The following POC1B variants were observed in gnomAD, a reference collection of about 807,000 sequenced individuals.
The protein encoded by POC1B is POC1 centriolar protein homolog B.
Under a neutral mutation model 60.6 loss-of-function variants are expected in POC1B, and 44 were observed. That is an observed-to-expected ratio of 0.73 (90% CI 0.57 to 0.93). POC1B has a LOEUF of 0.93. Among genes scored for constraint, POC1B ranks in the 40% least tolerant of loss-of-function variants. The probability of loss-of-function intolerance (pLI) is 0.00; values close to 1 mark genes in which losing one functional copy is unlikely to be tolerated. For synonymous variants in POC1B, 180 were observed against 198.9 expected, an observed-to-expected ratio of 0.90 and a Z score of 0.80; for missense variants, 555 against 572.3, an observed-to-expected ratio of 0.97 and a Z score of 0.31.
At chr12:89,500,682 C>T (rs903225613) in intron 2 of POC1B, 36 of 1,521,534 alleles carry the variant, frequency 2.4e-5, no homozygotes, top group Non-Finnish European at 3.3e-5. Context: ...CCTTCAAGTA[C>T]AGAGGTTTCA....
chr12:89,466,849 T>C lies in POC1B; in HGVS notation c.953A>G (p.His318Arg). The C allele has an allele frequency of 4.3e-6, 7 of 1,612,456 alleles. No individual in the cohort carries two copies. The highest frequency in any genetic ancestry group is 4.2e-6 in the Non-Finnish European group (5 of 1,178,632). Reference sequence around the variant, plus strand: ...AAGAAGATGTGGTGGTGAATCAAAATGTAATCTTTTGAGATTTCTTTTGGT... The same window carrying C: ...AAGAAGATGTGGTGGTGAATCAAAACGTAATCTTTTGAGATTTCTTTTGGT... ...GLTKRNLKRL[H>R]FDSPPHLLDI... The change falls in exon 9 of 12, where the codon CAT becomes CGT. Residue 318 changes from histidine to arginine, a missense_variant. Physicochemically the swap from His to Arg is conservative, Grantham distance 29 (BLOSUM62 0). Transcript: ENST00000313546.
At chr12:89,513,886 A>G (rs991144385) in intron 2 of POC1B, among the ~76,000 whole-genome samples, 3 of 152,214 alleles carry the variant, frequency 2.0e-5, no homozygotes, top group African/African-American at 7.2e-5. Context: ...GGGGACCACT[A>G]CTAGGCTCTG....
rs565077680 is a variant in POC1B at position 89,494,885 on chromosome 12, C to T, written c.272+2286G>A. Among the ~76,000 whole-genome samples, 29 of 152,276 alleles carry T rather than the reference C, an allele frequency of 1.9e-4. No individual in the cohort carries two copies. The South Asian group carries it at 5.8e-3, about 30-fold the overall frequency. ...TCTGCATGTGTAATCTCAGCCTGCA[C>T]CATATAAGCAAAAGAACTGTGAAGC... On this transcript the variant is annotated intron_variant, in intron 3 of 11. Coordinates refer to ENST00000313546, the MANE Select transcript of POC1B (RefSeq NM_172240.3).
At chr12:89,495,073 C>T (rs1230591033) in intron 3 of POC1B, among the ~76,000 whole-genome samples, 1 of 152,178 alleles carries the variant, frequency 6.6e-6, no homozygotes, top group African/African-American at 2.4e-5. Flanking sequence ...CCACGATCCA[C>T]CATTATTGCT....
Position 89,425,143 on chromosome 12 carries a change from A to G in POC1B, c.1332+18T>C, listed in dbSNP as rs1880707294. 6.2e-7 allele frequency: 1 copy of G among 1,612,248 alleles called. No individual in the cohort carries two copies. The highest frequency in any genetic ancestry group is 1.3e-5 in the African/African-American group (1 of 74,876). Reference sequence around the variant, plus strand: ...TTTTACCCCCAAGTGCAACTCATGCAACCTGTGTCATGCCCACCTGTGTCA... The same window carrying G: ...TTTTACCCCCAAGTGCAACTCATGCGACCTGTGTCATGCCCACCTGTGTCA... On this transcript the variant is annotated intron_variant, in intron 11 of 11. Coordinates refer to ENST00000313546, the MANE Select transcript of POC1B (RefSeq NM_172240.3).
the POC1B span, among the ~76,000 whole-genome samples, chr12:89,412,176 G>A: frequency 3.9e-5 from 6 of 152,174 alleles, no homozygotes; most frequent in Admixed American, 6.5e-5. Flanking sequence ...ACCTTGGACT[G>A]TTCCCCCTCC....
At chr12:89,410,256 C>G in the POC1B span, among the ~76,000 whole-genome samples, 1 of 152,194 alleles carries the variant, frequency 6.6e-6, no homozygotes, top group Non-Finnish European at 1.5e-5. Context: ...AATTCAACAT[C>G]CCTTCATGCT....
In POC1B at chr12:89,479,488, T is replaced by C. The variant is rs565176119; in HGVS notation, c.453-7213A>G. Among the ~76,000 whole-genome samples, 10 of 152,350 alleles carry C rather than the reference T, an allele frequency of 6.6e-5. No individual in the cohort carries two copies. The East Asian group carries it at 9.6e-4, about 15-fold the overall frequency. On this transcript the variant is annotated intron_variant, in intron 4 of 11. Transcript: ENST00000313546. ...CTGACATATTTTGCAAATAGACTTA[T>C]AAAAAGACTATACTATTTACATTTT...
rs116427763 is a variant in POC1B, at chr12:89,471,050, T to A, written c.677-556A>T. Among the ~76,000 whole-genome samples the A allele has an allele frequency of 3.3e-5, 5 of 152,312 alleles. No homozygotes were observed. In the East Asian group the frequency reaches 5.8e-4, roughly 18 times the overall value. The stretch of plus-strand genomic sequence containing the variant: ...GAGCAAGTTAATTACCCTATTTAAA[T>A]CTCAATTTCCTTATCTTAAAAATGT... On this transcript the variant is annotated intron_variant, in intron 6 of 11. Coordinates refer to ENST00000313546, the MANE Select transcript of POC1B (RefSeq NM_172240.3).
At chr12:89,523,205 G>T (rs766568348) in intron 2 of POC1B, 1 of 1,613,932 alleles carries the variant, frequency 6.2e-7, no homozygotes, top group Non-Finnish European at 8.5e-7. Flanking sequence ...CCTCTACTGC[G>T]AATAGCCCCA....
At chr12:89,465,354 C>G (rs533754924) in intron 9 of POC1B, among the ~76,000 whole-genome samples, 1 of 152,206 alleles carries the variant, frequency 6.6e-6, no homozygotes, top group Non-Finnish European at 1.5e-5. Flanking sequence ...ACCTAATTCA[C>G]GAGGAAAGCA....
rs188348522 is a variant in POC1B at position 89,465,688 on chromosome 12, G to A, written c.1032+1082C>T. 1.4e-3 allele frequency among the ~76,000 whole-genome samples: 206 copies of A among 152,034 alleles called. 1 individual carries two copies. Among genetic ancestry groups the A allele is most frequent in the South Asian group, 4.4e-3 (21 of 4,818 alleles). ...AATACAATAAGTAGTACAAAGAAGT[G>A]GTAACATGATTAATACTTTAGAAGA... On this transcript the variant is annotated intron_variant, in intron 9 of 11. Transcript: ENST00000313546.
chr12:89,477,191 T>C (rs966008841), intron 4 of POC1B, among the ~76,000 whole-genome samples: 1 of 152,208 alleles, frequency 6.6e-6, no homozygotes, highest in Non-Finnish European at 1.5e-5. Flanking sequence ...AATTTGATGT[T>C]TACAGATTGA....
intron 2 of POC1B, among the ~76,000 whole-genome samples, chr12:89,504,656 AATG>A (rs1198811985): frequency 6.6e-6 from 1 of 152,202 alleles, no homozygotes; most frequent in Non-Finnish European, 1.5e-5. Flanking sequence ...AGAGGAAAAG[AATG>A]ATAATTTGTA....
intron 2 of POC1B, among the ~76,000 whole-genome samples, chr12:89,499,038 G>A (rs1370618865): frequency 6.6e-6 from 1 of 152,116 alleles, no homozygotes; most frequent in Non-Finnish European, 1.5e-5. Context: ...CATGGATAAA[G>A]AGTACTCTGA....
intron 11 of POC1B, among the ~76,000 whole-genome samples, chr12:89,423,374 G>A (rs898984798): frequency 6.0e-4 from 92 of 152,304 alleles, no homozygotes; most frequent in African/African-American, 2.1e-3. Flanking sequence ...CTGGGCTCAA[G>A]CAATCCTTCT....
At chr12:89,421,340 T>A in intron 11 of POC1B, 83 bp from the exon 12 acceptor site, 1 of 1,169,306 alleles carries the variant, frequency 8.6e-7, no homozygotes, top group Non-Finnish European at 1.2e-6. Context: ...AGGAAATCCT[T>A]TTAAGAACTG....
Position 89,421,168 on chromosome 12 carries a change from G to A in POC1B, c.1422C>T (p.Val474=). 1 of 1,593,884 alleles carries A rather than the reference G, an allele frequency of 6.3e-7. No individual in the cohort carries two copies. The change falls in exon 12 of 12, where the codon GTC becomes GTT. Residue 474 remains valine (V), a synonymous_variant. Transcript: ENST00000313546. ...LENQQKLFSA[V]QQKS ...AATTTTTTATTCAGCTTTTCTGTTG[G>A]ACAGCACTGAAAAGCTTTTGCTGAT...
intron 10 of POC1B, among the ~76,000 whole-genome samples, chr12:89,442,443 C>T (rs1409334201): frequency 6.6e-6 from 1 of 152,112 alleles, no homozygotes; most frequent in East Asian, 1.9e-4. Context: ...GGAGTGGGGG[C>T]CAATATTCAA....
Sources: allele counts gnomAD v4.1 joint callset (sites outside exome capture counted in the v4.1 genomes callset), GRCh38; gene constraint gnomAD v4.1.1; transcripts MANE v1.5; gene names NCBI Gene and HGNC (gene_info 2026-07-23, HGNC 2026-07-21).